Variants in RTRAF observed in about 807,000 individuals in gnomAD.
RTRAF encodes RNA transcription, translation and transport factor.
A neutral mutation model predicts 34.4 loss-of-function variants in RTRAF; 14 were observed. That is an observed-to-expected ratio of 0.41 (90% CI 0.27 to 0.64). The LOEUF is 0.64. Among genes scored for constraint, RTRAF ranks in the 30% least tolerant of loss-of-function variants. The pLI is 0.34. For missense variants in RTRAF, 291 were observed against 288.4 expected (o/e 1.01, Z -0.06); for synonymous variants, 96 against 95.3 (o/e 1.01, Z -0.04).
intron 4 of RTRAF, chr14:51,999,221 T>C (rs534329567): frequency 6.5e-6 from 1 of 153,058 alleles, no homozygotes; most frequent in East Asian, 1.9e-4. Flanking sequence ...ACAAATATAA[T>C]GTGAGTTAAA....
chr14:51,998,434 C>A, intron 3 of RTRAF, 60 bp from the exon 4 acceptor site: 3 of 918,796 alleles, frequency 3.3e-6, no homozygotes, highest in South Asian at 1.9e-5. Flanking sequence ...TGGTAAATAG[C>A]AGTAGTCATT....
chr14:52,007,389 A>G lies in RTRAF; in HGVS notation c.*2873A>G, dbSNP rs1890827072. 5.1e-6 allele frequency: 1 copy of G among 194,280 alleles called. No individual in the cohort carries two copies. Among genetic ancestry groups the G allele is most frequent in the Non-Finnish European group, 1.0e-5 (1 of 95,828 alleles). The allele number at this position is 194,280 out of a possible 1,614,324, so 12.0% of individuals were successfully genotyped here. A position where few individuals can be genotyped will look rare whatever the true frequency, so the allele number is the denominator to read the frequency against. On this transcript the variant is annotated 3_prime_UTR_variant, in exon 8 of 8. Coordinates refer to ENST00000261700, the MANE Select transcript of RTRAF (RefSeq NM_016039.3). ...TAAAAGCAAACAAATGTAGGTTGCTAATACCCATGTTATTACTGAAGGAAG... is the reference window on the plus strand; with the variant it reads ...TAAAAGCAAACAAATGTAGGTTGCTGATACCCATGTTATTACTGAAGGAAG...
intron 3 of RTRAF, among the ~76,000 whole-genome samples, chr14:51,995,898 C>G (rs767546371): frequency 1.3e-5 from 2 of 151,882 alleles, no homozygotes; most frequent in Non-Finnish European, 2.9e-5. Flanking sequence ...GGGCCTTTAA[C>G]AAGGTCTTTT....
At chr14:52,003,300 A>T (rs966007628) in intron 6 of RTRAF, among the ~76,000 whole-genome samples, 1 of 152,188 alleles carries the variant, frequency 6.6e-6, no homozygotes. Flanking sequence ...CTAGATGAAC[A>T]TATAAAGCCA....
rs920714025 is a variant in RTRAF at position 51,989,580 on chromosome 14, T to C, written c.-60T>C. 22 of 1,533,000 alleles carry C rather than the reference T, an allele frequency of 1.4e-5. No homozygotes were observed. The Middle Eastern group carries it at 6.7e-4, about 47-fold the overall frequency. 95.0% of individuals were successfully genotyped at this position (1,533,000 alleles called of 1,614,324 possible). A position where few individuals can be genotyped will look rare whatever the true frequency, so the allele number is the denominator to read the frequency against. On this transcript the variant is annotated 5_prime_UTR_variant, in exon 1 of 8. Transcript: ENST00000261700. ...CGTCGCCGGTGCCTGCGCCTCCCGCTCCACCTCGCTTCTTCTCTCCCGGCC... is the reference window on the plus strand; with the variant it reads ...CGTCGCCGGTGCCTGCGCCTCCCGCCCCACCTCGCTTCTTCTCTCCCGGCC...
At position 52,004,450 on chromosome 14, in the gene RTRAF, A is replaced by C. The variant is rs1449811275; in HGVS notation, c.669A>C (p.Ile223=). ...TACAGACAAAAATCAACGAAGCCAT[A>C]GTAGCTGTTCAGGCAATTATTGCTG... ...RELQTKINEA[I]VAVQAIIADP... is the part of the protein sequence containing the mutation. The change falls in exon 8 of 8, where the codon ATA becomes ATC. Residue 223 remains isoleucine (I), a synonymous_variant. Coordinates refer to ENST00000261700, the MANE Select transcript of RTRAF (RefSeq NM_016039.3). The C allele has an allele frequency of 3.7e-6, 6 of 1,613,944 alleles. No individual in the cohort carries two copies. In the South Asian group the frequency reaches 4.4e-5, roughly 12 times the overall value.
At chr14:52,001,178 A>T (rs922180608) in intron 5 of RTRAF, among the ~76,000 whole-genome samples, 58 of 152,294 alleles carry the variant, frequency 3.8e-4, no homozygotes, top group African/African-American at 1.3e-3. Context: ...TTTCACACTT[A>T]TTTTTGAGTT....
Position 52,005,246 on chromosome 14 carries a change from G to GTTAAAATTCTGTTACCTT in RTRAF, c.*733_*750dup. On this transcript the variant is annotated 3_prime_UTR_variant, in exon 8 of 8. Coordinates refer to ENST00000261700, the MANE Select transcript of RTRAF (RefSeq NM_016039.3). ...CAAGAAGTTGCTTTAATAAGCAACAGTTAAAATTCTGTTACCTTTTTAAAC... is the reference window on the plus strand; with the variant it reads ...CAAGAAGTTGCTTTAATAAGCAACAGTTAAAATTCTGTTACCTTTTAAAATTCTGTTACCTTTTTAAAC... 1 of 380,182 alleles carries GTTAAAATTCTGTTACCTT rather than the reference G, an allele frequency of 2.6e-6. No individual in the cohort carries two copies. 23.6% of individuals were successfully genotyped at this position (380,182 alleles called of 1,614,324 possible). A position where few individuals can be genotyped will look rare whatever the true frequency, so the allele number is the denominator to read the frequency against.
intron 1 of RTRAF, among the ~76,000 whole-genome samples, chr14:51,990,686 G>C (rs975759474): frequency 1.3e-5 from 2 of 152,136 alleles, no homozygotes; most frequent in Non-Finnish European, 2.9e-5. Flanking sequence ...TCTGTAAAAT[G>C]GGATATTACC....
At position 52,008,064 on chromosome 14, in the gene RTRAF, T is replaced by C; in HGVS notation, c.*3548T>C. ...CAGTGATCTCCATCTCCTCATGTATTATAGCCTTAAGCAATCCCCTTGAGT... is the reference window on the plus strand; with the variant it reads ...CAGTGATCTCCATCTCCTCATGTATCATAGCCTTAAGCAATCCCCTTGAGT... On this transcript the variant is annotated 3_prime_UTR_variant, in exon 8 of 8. Coordinates refer to ENST00000261700, the MANE Select transcript of RTRAF (RefSeq NM_016039.3). 1 of 978,774 alleles carries C rather than the reference T, an allele frequency of 1.0e-6. No homozygotes were observed. Among genetic ancestry groups the C allele is most frequent in the South Asian group, 1.6e-5 (1 of 60,682 alleles). The allele number at this position is 978,774 out of a possible 1,614,324, so 60.6% of individuals were successfully genotyped here.
chr14:52,003,406 G>T (rs1356302518), intron 6 of RTRAF, among the ~76,000 whole-genome samples: 2 of 152,128 alleles, frequency 1.3e-5, no homozygotes, highest in Non-Finnish European at 2.9e-5. Context: ...AAAGCAGACA[G>T]AGCCTACGTA....
rs748510614 is a variant in RTRAF, at chr14:52,006,679, A to G, written c.*2163A>G. The stretch of plus-strand genomic sequence containing the variant: ...TTGGTTCCTTTTAAAACAAAGGGGG[A>G]AAATGAGGTCCTTCAGCTGCTTTGC... On this transcript the variant is annotated 3_prime_UTR_variant, in exon 8 of 8. Transcript: ENST00000261700. The G allele has an allele frequency of 1.2e-6, 2 of 1,612,124 alleles. No individual in the cohort carries two copies. The highest frequency in any genetic ancestry group is 1.7e-6 in the Non-Finnish European group (2 of 1,178,654).
At chr14:51,999,297 A>G (rs1890567372) in intron 4 of RTRAF, 1 of 158,094 alleles carries the variant, frequency 6.3e-6, no homozygotes, top group African/African-American at 2.4e-5. Flanking sequence ...TTAGGATGAG[A>G]TCATGTCCCA....
chr14:51,999,306 C>T (rs1890567601), intron 4 of RTRAF: 1 of 158,698 alleles, frequency 6.3e-6, no homozygotes, highest in Non-Finnish European at 1.4e-5. Flanking sequence ...GATCATGTCC[C>T]AAAGTCGAAA....
Position 52,004,550 on chromosome 14 carries a change from T to G in RTRAF, c.*34T>G, listed in dbSNP as rs2140333014. 6.4e-7 allele frequency: 1 copy of G among 1,570,052 alleles called. No individual in the cohort carries two copies. Among genetic ancestry groups the G allele is most frequent in the Non-Finnish European group, 8.7e-7 (1 of 1,147,218 alleles). The stretch of plus-strand genomic sequence containing the variant: ...GGACTTCAGCTTCTCACCTACTTAG[T>G]ACAGTTGGGAACCATACACTTCTGG... On this transcript the variant is annotated 3_prime_UTR_variant, in exon 8 of 8. Transcript: ENST00000261700.
rs570283430 is a variant in RTRAF, at chr14:52,005,463, A to C, written c.*947A>C. On this transcript the variant is annotated 3_prime_UTR_variant, in exon 8 of 8. Coordinates refer to ENST00000261700, the MANE Select transcript of RTRAF (RefSeq NM_016039.3). ...GTCCAGGTTCTGATTGTAAACTCCAAGTCTTCCTTTACATTACTGTACTTA... is the reference window on the plus strand; with the variant it reads ...GTCCAGGTTCTGATTGTAAACTCCACGTCTTCCTTTACATTACTGTACTTA... 18 of 1,579,518 alleles carry C rather than the reference A, an allele frequency of 1.1e-5. No homozygotes were observed. The South Asian group carries it at 1.6e-4, about 14-fold the overall frequency.
chr14:51,995,626 C>T (rs1364026961), intron 3 of RTRAF, among the ~76,000 whole-genome samples: 2 of 152,112 alleles, frequency 1.3e-5, no homozygotes. Context: ...GTTTCTTGCA[C>T]ACAACAGGTG....
Position 52,006,594 on chromosome 14 carries a change from T to G in RTRAF, c.*2078T>G. 6.2e-7 allele frequency: 1 copy of G among 1,613,934 alleles called. No individual in the cohort carries two copies. The highest frequency in any genetic ancestry group is 1.7e-5 in the Admixed American group (1 of 60,026). On this transcript the variant is annotated 3_prime_UTR_variant, in exon 8 of 8. Transcript: ENST00000261700. ...ATAGCTTACGATGCTGAAGGGGTACTTGAGGTTGTTTTGAATGACACGCCG... is the reference window on the plus strand; with the variant it reads ...ATAGCTTACGATGCTGAAGGGGTACGTGAGGTTGTTTTGAATGACACGCCG...
At chr14:51,989,774 A>C (rs2140325290) in intron 1 of RTRAF, 74 bp downstream of exon 1, 1 of 1,440,218 alleles carries the variant, frequency 6.9e-7, no homozygotes. Flanking sequence ...CCCGCACCCC[A>C]CCTCCCCGTC....
Sources: gnomAD v4.1 joint callset for allele counts (sites outside exome capture counted in the v4.1 genomes callset) on GRCh38, gnomAD v4.1.1 for gene constraint, MANE v1.5 for transcripts, NCBI Gene and HGNC (gene_info 2026-07-23, HGNC 2026-07-21) for gene names.